Variants in ITGAE observed in about 807,000 individuals in gnomAD.
ITGAE encodes integrin subunit alpha E.
In ITGAE, 99 loss-of-function variants were observed where a neutral mutation model predicts 136.5. That is an observed-to-expected ratio of 0.73 (90% confidence interval 0.62 to 0.86). ITGAE has a LOEUF of 0.86. Ranked by LOEUF, ITGAE falls within the 40% of genes least tolerant of loss-of-function variation. The pLI is 0.00. For missense variants in ITGAE, 1,447 were observed against 1,515.3 expected (o/e 0.95, Z 0.75); for synonymous variants, 613 against 591.8 (o/e 1.04, Z -0.52).
chr17:3,796,715 A>G (rs997655228), intron 1 of ITGAE, among the ~76,000 whole-genome samples: 17 of 152,018 alleles, frequency 1.1e-4, no homozygotes, highest in African/African-American at 4.1e-4. Flanking sequence ...GCTGAGTCAG[A>G]CCGAGATCCC....
intron 2 of ITGAE, among the ~76,000 whole-genome samples, chr17:3,768,905 G>A (rs1051238259): frequency 2.0e-5 from 3 of 152,208 alleles, no homozygotes; most frequent in African/African-American, 4.8e-5. Flanking sequence ...TTGAACAACA[G>A]CCCAGGCAAC....
intron 28 of ITGAE, chr17:3,722,495 A>G (rs12940688): frequency 0.11 from 17,191 of 152,610 alleles, 1,023 homozygotes; most frequent in Middle Eastern, 0.15. Flanking sequence ...AAAAAAAAAA[A>G]AAAAGAAAAG....
chr17:3,793,901 T>A (rs1028080981), intron 1 of ITGAE, among the ~76,000 whole-genome samples: 15 of 151,336 alleles, frequency 9.9e-5, no homozygotes, highest in African/African-American at 3.6e-4. Flanking sequence ...TGAGTGCACA[T>A]GTGTACAAAA....
At chr17:3,752,378 G>A (rs979038950) in intron 14 of ITGAE, among the ~76,000 whole-genome samples, 1 of 152,236 alleles carries the variant, frequency 6.6e-6, no homozygotes, top group Non-Finnish European at 1.5e-5. Flanking sequence ...CCCGTAAGAT[G>A]AGAGTGGCAG....
chr17:3,770,577 C>A (rs906743385), intron 2 of ITGAE, among the ~76,000 whole-genome samples: 1 of 152,208 alleles, frequency 6.6e-6, no homozygotes, highest in Non-Finnish European at 1.5e-5. Context: ...AGGAGCACAG[C>A]CCCTGCCTTT....
At chr17:3,790,055 G>C (rs1487491132) in intron 1 of ITGAE, among the ~76,000 whole-genome samples, 2 of 152,108 alleles carry the variant, frequency 1.3e-5, no homozygotes, top group Non-Finnish European at 2.9e-5. Flanking sequence ...AGCATCCCTA[G>C]GAGTGGGCCT....
chr17:3,797,417 G>A (rs1292484850), intron 1 of ITGAE, among the ~76,000 whole-genome samples: 4 of 149,928 alleles, frequency 2.7e-5, no homozygotes, highest in African/African-American at 7.4e-5. Flanking sequence ...TGCCCACCTT[G>A]GCCTCCTAAA....
At chr17:3,731,711 C>T (rs2051348491) in intron 22 of ITGAE, among the ~76,000 whole-genome samples, 1 of 152,010 alleles carries the variant, frequency 6.6e-6, no homozygotes. Flanking sequence ...TCCCCTTTTA[C>T]AGGTGAAGAA....
intron 26 of ITGAE, 77 bp from the exon 27 acceptor site, chr17:3,723,821 T>C (rs1597297761): frequency 1.0e-5 from 16 of 1,563,752 alleles, no homozygotes; most frequent in East Asian, 2.3e-5. Context: ...GCCCCGGCCC[T>C]GGCGAGGTGC....
In ITGAE at chr17:3,801,119, C is replaced by A. The variant is rs2053250228; in HGVS notation, c.26G>T (p.Cys9Phe). ...CGGGTGAGAGGACTTACTGGCTATG[C>A]AGAGCAGAGTGTGGAAGAGCCACAT... MWLFHTLL[C>F]IASLALLAAF... The change falls in exon 1 of 31, where the codon TGC becomes TTC. Residue 9 changes from cysteine (C) to phenylalanine (F), a missense_variant. Physicochemically the swap from Cys to Phe is radical, Grantham distance 205. Transcript: ENST00000263087. The A allele has an allele frequency of 2.5e-6, 4 of 1,612,450 alleles. No homozygotes were observed.
intron 16 of ITGAE, 59 bp from the exon 17 acceptor site, chr17:3,748,111 TG>T: frequency 6.5e-7 from 1 of 1,548,518 alleles, no homozygotes; most frequent in Non-Finnish European, 8.8e-7. Context: ...GGTCAGGGCC[TG>T]GCTGATTGGT....
chr17:3,800,040 A>C (rs927525750), intron 1 of ITGAE, among the ~76,000 whole-genome samples: 3 of 152,234 alleles, frequency 2.0e-5, no homozygotes, highest in African/African-American at 7.2e-5. Flanking sequence ...AACTGCTTGA[A>C]CCTGGGAGGC....
At chr17:3,772,398 C>CTGAATGAATGAA (rs34814711) in intron 2 of ITGAE, among the ~76,000 whole-genome samples, 3 of 150,990 alleles carry the variant, frequency 2.0e-5, no homozygotes, top group South Asian at 2.1e-4. Context: ...TCCATACTTG[C>CTGAATGAATGAA]TGAATGAATG....
At chr17:3,792,003 G>A (rs938022509) in intron 1 of ITGAE, among the ~76,000 whole-genome samples, 1 of 152,184 alleles carries the variant, frequency 6.6e-6, no homozygotes, top group Non-Finnish European at 1.5e-5. Flanking sequence ...CAGACTTGAG[G>A]AGGAGGAGGA....
At chr17:3,725,493 T>G in intron 26 of ITGAE, 2 of 1,614,148 alleles carry the variant, frequency 1.2e-6, no homozygotes, top group Non-Finnish European at 1.7e-6. Context: ...AGGACCAGAT[T>G]TAGTCAATGG....
At chr17:3,754,480 C>A (rs1236634530) in intron 12 of ITGAE, among the ~76,000 whole-genome samples, 3 of 152,182 alleles carry the variant, frequency 2.0e-5, no homozygotes, top group Non-Finnish European at 4.4e-5. Flanking sequence ...CCATGTTGGC[C>A]GGGCTGGTCT....
rs141695337 is a variant in ITGAE at position 3,741,515 on chromosome 17, A to G, written c.2449-1637T>C. ...CTCTGGTAACACCGATGTGCCTAAT[A>G]CCACGTGGTTTTTTCCTCACCCATT... On this transcript the variant is annotated intron_variant, in intron 19 of 30. Coordinates refer to ENST00000263087, the MANE Select transcript of ITGAE (RefSeq NM_002208.5). Among the ~76,000 whole-genome samples, 673 of 152,106 alleles carry G rather than the reference A, an allele frequency of 4.4e-3. 6 individuals are homozygous for G. The highest frequency in any genetic ancestry group is 0.015 in the African/African-American group (638 of 41,432).
intron 20 of ITGAE, among the ~76,000 whole-genome samples, chr17:3,735,525 G>T (rs2051442220): frequency 6.6e-6 from 1 of 152,042 alleles, no homozygotes; most frequent in Non-Finnish European, 1.5e-5. Flanking sequence ...GTGGAGGCGG[G>T]TCTTGAACTC....
intron 2 of ITGAE, among the ~76,000 whole-genome samples, chr17:3,768,284 C>G (rs541213773): frequency 2.0e-5 from 3 of 152,294 alleles, no homozygotes; most frequent in Non-Finnish European, 4.4e-5. Flanking sequence ...GCCATCACAC[C>G]TGGCAAATTT....
Sources: gnomAD v4.1 joint callset for allele counts (sites outside exome capture counted in the v4.1 genomes callset) on GRCh38, gnomAD v4.1.1 for gene constraint, MANE v1.5 for transcripts, NCBI Gene and HGNC (gene_info 2026-07-23, HGNC 2026-07-21) for gene names.